KALRN: variants seen among roughly 807,000 people sequenced by gnomAD.
KALRN encodes the protein kalirin RhoGEF kinase, also known as kalirin.
A neutral mutation model predicts 353.7 loss-of-function variants in KALRN; 70 were observed. That is an observed-to-expected ratio of 0.20 (90% confidence interval 0.16 to 0.24). The LOEUF is 0.24. KALRN is among the 10% of genes least tolerant of loss of function. The pLI is 1.00. For synonymous variants in KALRN, 1,391 were observed against 1,434.8 expected (o/e 0.97, Z 0.69); for missense variants, 2,791 against 3,756.7 (o/e 0.74, Z 6.72).
At position 124,334,312 on chromosome 3, in the gene KALRN, G is replaced by A; in HGVS notation, c.1464G>A (p.Leu488=). The change falls in exon 9 of 60, where the codon CTG becomes CTA. Residue 488 remains leucine, a synonymous_variant. Coordinates refer to ENST00000682506, the MANE Select transcript of KALRN (RefSeq NM_001388419.1). The surrounding 1 kb of genome is among the most constrained non-coding windows in gnomAD (Gnocchi z 4.2). The stretch of plus-strand genomic sequence containing the variant: ...TACTTGATGTGCTGCAGCGGCCCCT[G>A]AGCCCTGGGAACTCCGAATCCCTCA... ...KALLDVLQRP[L]SPGNSESLTA... is the part of the protein sequence containing the mutation. 6.2e-7 allele frequency: 1 copy of A among 1,614,256 alleles called. No homozygotes were observed. The highest frequency in any genetic ancestry group is 1.1e-5 in the South Asian group (1 of 91,086).
chr3:124,533,488 C>CA (rs1163233490), intron 33 of KALRN, among the ~76,000 whole-genome samples: 6 of 151,834 alleles, frequency 4.0e-5, no homozygotes, highest in African/African-American at 1.5e-4. Context: ...CTAAAAAATA[C>CA]AAAAAAATTA....
At chr3:124,274,073 T>C (rs886927481) in intron 5 of KALRN, among the ~76,000 whole-genome samples, 1 of 152,202 alleles carries the variant, frequency 6.6e-6, no homozygotes, top group Non-Finnish European at 1.5e-5. Context: ...TTAAGTAGAC[T>C]CATTGTAGAT....
intron 1 of KALRN, among the ~76,000 whole-genome samples, chr3:124,095,081 G>A (rs1196926786): frequency 1.3e-5 from 2 of 152,146 alleles, no homozygotes; most frequent in African/African-American, 4.8e-5. Flanking sequence ...CTGTTTTTCT[G>A]GGGACATGTA....
At chr3:124,390,063 G>A (rs961371696) in intron 11 of KALRN, among the ~76,000 whole-genome samples, 2 of 152,122 alleles carry the variant, frequency 1.3e-5, no homozygotes, top group South Asian at 2.1e-4. Flanking sequence ...TTTGCCTGGG[G>A]CCAAGAGGGC....
chr3:124,678,075 A>C, intron 49 of KALRN, 115 bp from the exon 50 acceptor site: 1 of 1,143,830 alleles, frequency 8.7e-7, no homozygotes. Context: ...GGGCCTCTGA[A>C]GCCCGGGCTT....
rs999638423 is a variant in KALRN, at chr3:124,722,926, A to G, written c.*3456A>G. On this transcript the variant is annotated 3_prime_UTR_variant, in exon 60 of 60. Coordinates refer to ENST00000682506, the MANE Select transcript of KALRN (RefSeq NM_001388419.1). ...GGGATACAGAAAGAATGAAAAGATC[A>G]GGGACAACCCATAATAACTTTTAAG... is the stretch of plus-strand genomic sequence containing the variant. 6.6e-6 allele frequency: 1 copy of G among 152,376 alleles called. No individual in the cohort carries two copies. Among genetic ancestry groups the G allele is most frequent in the East Asian group, 1.9e-4 (1 of 5,192 alleles). 9.4% of individuals were successfully genotyped at this position (152,376 alleles called of 1,614,324 possible). A position where few individuals can be genotyped will look rare whatever the true frequency, so the allele number is the denominator to read the frequency against.
At chr3:124,693,981 A>C (rs1341142455) in intron 52 of KALRN, 150 bp downstream of exon 52, 26 of 639,760 alleles carry the variant, frequency 4.1e-5, no homozygotes, top group Non-Finnish European at 4.5e-5. Flanking sequence ...ATTAGATGAA[A>C]AAGACTAAAG....
At chr3:124,517,826 G>A (rs1561204869) in intron 33 of KALRN, among the ~76,000 whole-genome samples, 2 of 152,154 alleles carry the variant, frequency 1.3e-5, no homozygotes, top group African/African-American at 2.4e-5. Context: ...TGTCAACGAT[G>A]TACTATATAA....
chr3:124,325,654 A>C (rs1213814090), intron 6 of KALRN, among the ~76,000 whole-genome samples: 1 of 152,184 alleles, frequency 6.6e-6, no homozygotes, highest in African/African-American at 2.4e-5. Flanking sequence ...CTTGAGAGTT[A>C]TGTGCCATCC....
chr3:124,384,184 T>G (rs1438814012), intron 10 of KALRN, among the ~76,000 whole-genome samples: 3 of 152,160 alleles, frequency 2.0e-5, no homozygotes, highest in Non-Finnish European at 4.4e-5. Flanking sequence ...CGACTGTGTG[T>G]GCATGTGTGT....
At chr3:124,518,098 A>G (rs41264657) in intron 33 of KALRN, among the ~76,000 whole-genome samples, 15,636 of 152,214 alleles carry the variant, frequency 0.1, 992 homozygotes, top group Non-Finnish European at 0.14. Flanking sequence ...ATGAAAGCGT[A>G]TGGATTTGAG....
chr3:124,646,948 C>A (rs1365001629), intron 37 of KALRN, among the ~76,000 whole-genome samples: 2 of 152,082 alleles, frequency 1.3e-5, no homozygotes, highest in African/African-American at 4.8e-5. Context: ...ATGAAAATAT[C>A]TTTGGAACGT....
intron 10 of KALRN, among the ~76,000 whole-genome samples, chr3:124,365,489 T>C (rs542426730): frequency 3.3e-5 from 5 of 152,218 alleles, no homozygotes; most frequent in Admixed American, 3.3e-4. Context: ...TTCTGCTGGA[T>C]GATGATGATG....
At chr3:124,351,437 A>C (rs909697981) in intron 10 of KALRN, among the ~76,000 whole-genome samples, 2 of 152,208 alleles carry the variant, frequency 1.3e-5, no homozygotes, top group Non-Finnish European at 2.9e-5. Flanking sequence ...GCTGATAATG[A>C]GAAAGGAATT....
intron 1 of KALRN, among the ~76,000 whole-genome samples, chr3:124,190,153 G>GAGTC (rs2074732579): frequency 6.6e-6 from 1 of 152,100 alleles, no homozygotes; most frequent in South Asian, 2.1e-4. Context: ...AGACAGCAAA[G>GAGTC]GACTAGGATG....
At chr3:124,608,422 C>T (rs1447693985) in intron 34 of KALRN, among the ~76,000 whole-genome samples, 3 of 152,170 alleles carry the variant, frequency 2.0e-5, no homozygotes, top group African/African-American at 4.8e-5. Flanking sequence ...TGAGTCCTCG[C>T]TCTGTCTCCT....
chr3:124,466,034 C>CTGTGTGTGTGTGTGTG lies in KALRN; in HGVS notation c.4031+3429_4031+3444dup, dbSNP rs10639598. On this transcript the variant is annotated intron_variant, in intron 25 of 59. Transcript: ENST00000682506. ...ACCAGGATTAGTTCTCTCTCTTGCT[C>CTGTGTGTGTGTGTGTG]TGTGTGTGTGTGTGTGTGTGTGTGT... Among the ~76,000 whole-genome samples the CTGTGTGTGTGTGTGTG allele has an allele frequency of 4.4e-4, 65 of 147,456 alleles. 1 individual carries two copies. The East Asian group carries it at 8.7e-3, about 20-fold the overall frequency.
At chr3:124,427,124 T>A (rs1271109776) in intron 15 of KALRN, among the ~76,000 whole-genome samples, 1 of 152,200 alleles carries the variant, frequency 6.6e-6, no homozygotes, top group Non-Finnish European at 1.5e-5. Context: ...CTGTGTTCAG[T>A]TTTGTTGGCT....
In KALRN at chr3:124,650,952, C is replaced by G; in HGVS notation, c.5795+14C>G. ...GAGAGGCAGGATGTAAGTGGCTTCC[C>G]CAGTTCCTCCCTGTGGTGCACATGT... On this transcript the variant is annotated intron_variant, in intron 38 of 59. Coordinates refer to ENST00000682506, the MANE Select transcript of KALRN (RefSeq NM_001388419.1). The G allele has an allele frequency of 6.2e-7, 1 of 1,613,626 alleles. No individual in the cohort carries two copies. Among genetic ancestry groups the G allele is most frequent in the Non-Finnish European group, 8.5e-7 (1 of 1,179,892 alleles).
Sources: gnomAD v4.1 joint callset for allele counts (sites outside exome capture counted in the v4.1 genomes callset) on GRCh38, gnomAD v4.1.1 for gene constraint, Gnocchi (gnomAD v3.1) non-coding constraint, MANE v1.5 for transcripts, NCBI Gene and HGNC (gene_info 2026-07-23, HGNC 2026-07-21) for gene names.